The following HFM1 variants were observed in gnomAD, a reference collection of about 807,000 sequenced individuals.
HFM1 encodes probable ATP-dependent DNA helicase HFM1.
A neutral mutation model predicts 192.1 loss-of-function variants in HFM1; 169 were observed. The ratio of observed to expected loss-of-function variants is 0.88; its 90% CI spans 0.78 to 1.00. HFM1 has a LOEUF of 1.00. Among genes scored for constraint, HFM1 ranks in the 50% least tolerant of loss-of-function variants. The pLI, the probability that HFM1 is intolerant of heterozygous loss-of-function variation, is 0.00. For synonymous variants in HFM1, 525 were observed against 537.8 expected, an observed-to-expected ratio of 0.98 and a Z score of 0.33; for missense variants, 1,661 against 1,668.0, an observed-to-expected ratio of 1.00 and a Z score of 0.07.
intron 34 of HFM1, among the ~76,000 whole-genome samples, chr1:91,271,559 A>G (rs1666296086): frequency 6.6e-6 from 1 of 152,152 alleles, no homozygotes; most frequent in Non-Finnish European, 1.5e-5. Context: ...CAATGAAAAT[A>G]TGGGAAAGAG....
chr1:91,403,183 A>G (rs1483874182), intron 1 of HFM1, among the ~76,000 whole-genome samples: 1 of 152,172 alleles, frequency 6.6e-6, no homozygotes, highest in Admixed American at 6.5e-5. Context: ...TAGAGCAAGC[A>G]GGGACTTTTT....
At chr1:91,340,684 T>C (rs1655206661) in intron 20 of HFM1, among the ~76,000 whole-genome samples, 2 of 152,160 alleles carry the variant, frequency 1.3e-5, no homozygotes, top group African/African-American at 2.4e-5. Flanking sequence ...AAAACCCAAC[T>C]GTATGTTGTC....
chr1:91,366,815 C>G (rs1300160763), intron 13 of HFM1, among the ~76,000 whole-genome samples: 1 of 152,234 alleles, frequency 6.6e-6, no homozygotes, highest in African/African-American at 2.4e-5. Flanking sequence ...GAGGCATCGC[C>G]TCACCCGGGA....
chr1:91,327,406 T>C (rs1490483967), intron 20 of HFM1, among the ~76,000 whole-genome samples: 5 of 152,108 alleles, frequency 3.3e-5, no homozygotes, highest in Non-Finnish European at 7.4e-5. Context: ...TGATCCCAGC[T>C]ACTTGGGGGG....
intron 4 of HFM1, among the ~76,000 whole-genome samples, chr1:91,386,596 T>C (rs1662242198): frequency 6.6e-6 from 1 of 152,214 alleles, no homozygotes; most frequent in Admixed American, 6.5e-5. Context: ...GATAATTTTA[T>C]TATACAACAA....
intron 30 of HFM1, among the ~76,000 whole-genome samples, chr1:91,287,364 A>G (rs899957742): frequency 6.6e-6 from 1 of 152,172 alleles, no homozygotes; most frequent in African/African-American, 2.4e-5. Flanking sequence ...CTGACCCCCA[A>G]GCAGCCTAAC....
intron 4 of HFM1, among the ~76,000 whole-genome samples, chr1:91,388,992 C>G (rs1237112567): frequency 6.6e-6 from 1 of 152,058 alleles, no homozygotes; most frequent in East Asian, 1.9e-4. Context: ...CTGAATAAGA[C>G]ATTACTCCAA....
chr1:91,305,291 A>G (rs1306239550), intron 30 of HFM1, among the ~76,000 whole-genome samples: 2 of 152,228 alleles, frequency 1.3e-5, no homozygotes, highest in East Asian at 3.8e-4. Context: ...TTGACTTTCA[A>G]TCCACGAACA....
intron 30 of HFM1, among the ~76,000 whole-genome samples, chr1:91,298,913 G>A (rs1648171803): frequency 6.6e-6 from 1 of 152,158 alleles, no homozygotes; most frequent in Non-Finnish European, 1.5e-5. Context: ...ACATCATAAT[G>A]ACAGGATCAA....
At chr1:91,273,472 T>A (rs1372913737) in intron 34 of HFM1, among the ~76,000 whole-genome samples, 1 of 152,070 alleles carries the variant, frequency 6.6e-6, no homozygotes, top group Non-Finnish European at 1.5e-5. Flanking sequence ...CATAGTATCT[T>A]TAAATTAAAA....
At chr1:91,289,684 AC>A (rs1668486769) in intron 30 of HFM1, among the ~76,000 whole-genome samples, 1 of 151,936 alleles carries the variant, frequency 6.6e-6, no homozygotes, top group African/African-American at 2.4e-5. Flanking sequence ...ACACAGCGAA[AC>A]CCCGTCTCTA....
intron 13 of HFM1, among the ~76,000 whole-genome samples, chr1:91,364,221 G>T (rs1658920551): frequency 6.6e-6 from 1 of 151,760 alleles, no homozygotes. Context: ...TGGCCAACAG[G>T]TATATGAAAA....
rs774773495 is a variant in HFM1 at position 91,380,968 on chromosome 1, T to C, written c.817A>G (p.Ser273Gly). 4.0e-5 allele frequency: 59 copies of C among 1,458,296 alleles called. No individual in the cohort carries two copies. The highest frequency in any genetic ancestry group is 4.2e-5 in the African/African-American group (3 of 71,668). The allele number at this position is 1,458,296 out of a possible 1,614,324, so 90.3% of individuals were successfully genotyped here. ...AAATATGGAAATTCTTTGAAAATAC[T>C]TCTAAATTTTGCCGCTTACAATAAC... The part of the protein sequence containing the change: ...AVTEIPAKFR[S>G]IFKEFPYFNY... The change falls in exon 7 of 39, where the codon AGT becomes GGT. Residue 273 changes from serine to glycine, a missense_variant. Ser to Gly is a moderately conservative substitution (Grantham distance 56). Coordinates refer to ENST00000370425, the MANE Select transcript of HFM1 (RefSeq NM_001017975.6).
intron 30 of HFM1, among the ~76,000 whole-genome samples, chr1:91,287,228 A>G (rs1024224438): frequency 2.0e-5 from 3 of 152,200 alleles, no homozygotes; most frequent in Admixed American, 6.5e-5. Flanking sequence ...AAACAAAAAG[A>G]CAGCAGTAAC....
chr1:91,350,960 G>A (rs1185983766), intron 17 of HFM1, 89 bp from the exon 18 acceptor site: 1 of 965,724 alleles, frequency 1.0e-6, no homozygotes, highest in Non-Finnish European at 1.4e-6. Flanking sequence ...TATACCCATT[G>A]CTACTTTACT....
rs1662133308 is a variant in HFM1 at position 91,385,817 on chromosome 1, T to A, written c.512A>T (p.Asp171Val). 6.3e-7 allele frequency: 1 copy of A among 1,598,716 alleles called. No homozygotes were observed. Among genetic ancestry groups the A allele is most frequent in the African/African-American group, 1.3e-5 (1 of 74,124 alleles). ...VFRKRLFKISDNIHGSAYSND... is the reference protein window; with the variant it reads ...VFRKRLFKISVNIHGSAYSND... ...AGAATAAGCACTCCCATGTATATTG[T>A]CAGATATTTTAAATAATCTGCAAAC... Residue 171 changes from aspartate (D) to valine (V), a missense_variant, in exon 5 of 39, where the codon GAC becomes GTC. Asp to Val is a radical substitution (Grantham distance 152). Transcript: ENST00000370425.
At chr1:91,310,904 AT>A (rs1371940745) in intron 30 of HFM1, among the ~76,000 whole-genome samples, 1 of 152,202 alleles carries the variant, frequency 6.6e-6, no homozygotes, top group African/African-American at 2.4e-5. Context: ...ACAGATTAAT[AT>A]AGTAAATTGG....
intron 30 of HFM1, among the ~76,000 whole-genome samples, chr1:91,293,024 C>T (rs980413551): frequency 3.9e-5 from 6 of 152,140 alleles, no homozygotes; most frequent in African/African-American, 1.2e-4. Context: ...AACTGGATCC[C>T]TTCCTTACAC....
chr1:91,329,858 T>C (rs1653543933), intron 20 of HFM1, among the ~76,000 whole-genome samples: 1 of 152,152 alleles, frequency 6.6e-6, no homozygotes, highest in Non-Finnish European at 1.5e-5. Flanking sequence ...ACAAAAGATG[T>C]ACAAAAATGA....
Sources: gnomAD v4.1 joint callset for allele counts (sites outside exome capture counted in the v4.1 genomes callset) on GRCh38, gnomAD v4.1.1 for gene constraint, MANE v1.5 for transcripts, NCBI Gene and HGNC (gene_info 2026-07-23, HGNC 2026-07-21) for gene names.